CFAP299: variants seen among roughly 807,000 people sequenced by gnomAD.
CFAP299 encodes cilia and flagella associated protein 299.
Under a neutral mutation model 27.0 loss-of-function variants are expected in CFAP299, and 21 were observed. That is an observed-to-expected ratio of 0.78 (90% CI 0.55 to 1.12). CFAP299 has a LOEUF of 1.12. Ranked by LOEUF, CFAP299 falls within the 50% of genes most tolerant of loss-of-function variation. The pLI is 0.00. For synonymous variants in CFAP299, 104 were observed against 98.1 expected (o/e 1.06, Z -0.36); for missense variants, 310 against 276.6 (o/e 1.12, Z -0.86).
intron 2 of CFAP299, among the ~76,000 whole-genome samples, chr4:80,396,861 C>G (rs918466819): frequency 1.3e-5 from 2 of 152,108 alleles, no homozygotes; most frequent in Non-Finnish European, 2.9e-5. Context: ...GTGTCTCTGC[C>G]AGGCTTTGGT....
chr4:80,431,694 G>A (rs1386847557), intron 2 of CFAP299, among the ~76,000 whole-genome samples: 1 of 152,200 alleles, frequency 6.6e-6, no homozygotes, highest in Admixed American at 6.5e-5. Context: ...CTGAGGCATT[G>A]TCAAACTAGG....
intron 4 of CFAP299, among the ~76,000 whole-genome samples, chr4:80,874,786 C>T (rs1328890735): frequency 6.6e-6 from 1 of 151,890 alleles, no homozygotes; most frequent in East Asian, 1.9e-4. Flanking sequence ...AGAAGCATGC[C>T]CTAGACTGGT....
chr4:80,380,376 A>C (rs561124936), intron 2 of CFAP299, among the ~76,000 whole-genome samples: 1 of 152,122 alleles, frequency 6.6e-6, no homozygotes, highest in South Asian at 2.1e-4. Context: ...TACATTTAAA[A>C]AATTATGACA....
At chr4:80,806,536 A>G (rs1375003942) in intron 3 of CFAP299, among the ~76,000 whole-genome samples, 1 of 152,224 alleles carries the variant, frequency 6.6e-6, no homozygotes, top group Non-Finnish European at 1.5e-5. Flanking sequence ...ATAAATCACT[A>G]GAGGTACATT....
At chr4:80,563,985 G>T (rs1250900738) in intron 2 of CFAP299, among the ~76,000 whole-genome samples, 1 of 152,014 alleles carries the variant, frequency 6.6e-6, no homozygotes, top group Non-Finnish European at 1.5e-5. Context: ...TTTGAATAAT[G>T]AAGAAGTCCA....
chr4:80,553,216 T>C (rs1734614454), intron 2 of CFAP299, among the ~76,000 whole-genome samples: 2 of 152,104 alleles, frequency 1.3e-5, no homozygotes, highest in African/African-American at 2.4e-5. Context: ...TGAGTTCTCA[T>C]ACGCACTAAT....
chr4:80,511,850 T>A (rs1732320807), intron 2 of CFAP299, among the ~76,000 whole-genome samples: 1 of 152,168 alleles, frequency 6.6e-6, no homozygotes, highest in Non-Finnish European at 1.5e-5. Flanking sequence ...TTTAAAGTTA[T>A]ATTAACTTAA....
At chr4:80,652,419 A>G (rs1740347042) in intron 3 of CFAP299, among the ~76,000 whole-genome samples, 1 of 152,254 alleles carries the variant, frequency 6.6e-6, no homozygotes, top group African/African-American at 2.4e-5. Context: ...TCTGGGAAAG[A>G]GAGAAGCGGG....
At chr4:80,573,330 G>A (rs911079230) in intron 2 of CFAP299, among the ~76,000 whole-genome samples, 3 of 151,912 alleles carry the variant, frequency 2.0e-5, no homozygotes, top group African/African-American at 7.3e-5. Flanking sequence ...TTAGATTTCA[G>A]CCTATACAAT....
chr4:80,591,105 ATTTTTTTT>A (rs70944795), intron 3 of CFAP299, among the ~76,000 whole-genome samples: 4 of 126,862 alleles, frequency 3.2e-5, no homozygotes, highest in African/African-American at 6.1e-5. Context: ...ACTTTAGGAA[ATTTTTTTT>A]TTTTTTTTTT....
At chr4:80,934,786 T>A (rs1409764677) in intron 4 of CFAP299, among the ~76,000 whole-genome samples, 1 of 152,042 alleles carries the variant, frequency 6.6e-6, no homozygotes. Context: ...TTTTTTAAAT[T>A]AGTCTACTTA....
chr4:80,707,433 G>C (rs1290521573), intron 3 of CFAP299, among the ~76,000 whole-genome samples: 1 of 151,880 alleles, frequency 6.6e-6, no homozygotes, highest in African/African-American at 2.4e-5. Flanking sequence ...TTATGCACTA[G>C]AATGACAATG....
chr4:80,772,110 A>G (rs1363857512), intron 3 of CFAP299, among the ~76,000 whole-genome samples: 4 of 152,216 alleles, frequency 2.6e-5, no homozygotes, highest in Admixed American at 2.0e-4. Flanking sequence ...GGGAATAATA[A>G]TACAGGATTC....
chr4:80,767,375 C>T (rs1429521001), intron 3 of CFAP299, among the ~76,000 whole-genome samples: 2 of 151,938 alleles, frequency 1.3e-5, no homozygotes, highest in Non-Finnish European at 2.9e-5. Context: ...TTTGGGAGGC[C>T]GAGGCGGGTG....
In CFAP299 at chr4:80,923,829, G is replaced by T. The variant is rs186573045; in HGVS notation, c.477-20981G>T. On this transcript the variant is annotated intron_variant, in intron 4 of 5. Coordinates refer to ENST00000358105, the MANE Select transcript of CFAP299 (RefSeq NM_152770.3). ...AATTATGAGACAATTGGGGAAATTT[G>T]AACACTAACTGGGTATTTGAGGCTA... is the stretch of plus-strand genomic sequence containing the variant. Among the ~76,000 whole-genome samples, 433 of 152,058 alleles carry T rather than the reference G, an allele frequency of 2.8e-3. 1 individual carries two copies. Among genetic ancestry groups the T allele is most frequent in the African/African-American group, 9.9e-3 (413 of 41,526 alleles).
At chr4:80,488,954 T>C (rs1169161987) in intron 2 of CFAP299, among the ~76,000 whole-genome samples, 2 of 152,234 alleles carry the variant, frequency 1.3e-5, no homozygotes, top group African/African-American at 4.8e-5. Context: ...TAGATGCTTC[T>C]GTACACAAGA....
At chr4:80,635,578 T>C (rs187671460) in intron 3 of CFAP299, among the ~76,000 whole-genome samples, 111 of 152,312 alleles carry the variant, frequency 7.3e-4, no homozygotes, top group African/African-American at 2.5e-3. Flanking sequence ...AGTTTTAATA[T>C]ATGTTAGTGA....
chr4:80,603,196 A>G (rs1737454129), intron 3 of CFAP299, among the ~76,000 whole-genome samples: 1 of 152,344 alleles, frequency 6.6e-6, no homozygotes, highest in Non-Finnish European at 1.5e-5. Flanking sequence ...TGTGAAAACT[A>G]TGTTAGCATA....
At chr4:80,697,695 C>T (rs753932027) in intron 3 of CFAP299, among the ~76,000 whole-genome samples, 2 of 152,052 alleles carry the variant, frequency 1.3e-5, no homozygotes. Flanking sequence ...AATGTAAGAG[C>T]GATCATACAA....
Sources: gnomAD v4.1 joint callset for allele counts (sites outside exome capture counted in the v4.1 genomes callset) on GRCh38, gnomAD v4.1.1 for gene constraint, MANE v1.5 for transcripts, NCBI Gene and HGNC (gene_info 2026-07-23, HGNC 2026-07-21) for gene names.